SNAI3: variants seen among roughly 807,000 people sequenced by gnomAD.
The protein encoded by SNAI3 is zinc finger protein SNAI3.
A neutral mutation model predicts 16.4 loss-of-function variants in SNAI3; 21 were observed. That is an observed-to-expected ratio of 1.28 (90% CI 0.91 to 1.85). SNAI3 has a LOEUF of 1.85. Ranked by LOEUF, SNAI3 falls within the 40% of genes most tolerant of loss-of-function variation. The pLI is 0.00. For synonymous variants in SNAI3, 202 were observed against 166.6 expected, an observed-to-expected ratio of 1.21 and a Z score of -1.64; for missense variants, 457 against 372.8, an observed-to-expected ratio of 1.23 and a Z score of -1.86.
At position 88,681,819 on chromosome 16, in the gene SNAI3, T is replaced by C. The variant is rs1909183846; in HGVS notation, c.77-105A>G. 8.1e-7 allele frequency: 1 copy of C among 1,240,470 alleles called. No individual in the cohort carries two copies. Among genetic ancestry groups the C allele is most frequent in the Non-Finnish European group, 1.0e-6 (1 of 976,496 alleles). The allele number at this position is 1,240,470 out of a possible 1,614,324, so 76.8% of individuals were successfully genotyped here. On this transcript the variant is annotated intron_variant, in intron 1 of 2. Coordinates refer to ENST00000332281, the MANE Select transcript of SNAI3 (RefSeq NM_178310.4). The surrounding 1 kb of genome is among the most constrained non-coding windows in gnomAD (Gnocchi z 5.4). ...ACCCAGTCACAGCCCATCAGCAGCCTGGCGTGGGAGGTGTAGCCGGGAACC... is the reference window on the plus strand; with the variant it reads ...ACCCAGTCACAGCCCATCAGCAGCCCGGCGTGGGAGGTGTAGCCGGGAACC...
intron 2 of SNAI3, 153 bp from the exon 3 acceptor site, chr16:88,678,782 C>T (rs1038140718): frequency 4.1e-5 from 40 of 985,442 alleles, no homozygotes; most frequent in South Asian, 1.4e-4. Flanking sequence ...CGGGGTGGCA[C>T]GCCACATCAC....
intron 2 of SNAI3, among the ~76,000 whole-genome samples, chr16:88,679,483 C>T (rs72811439): frequency 0.29 from 44,760 of 151,964 alleles, 6,728 homozygotes; most frequent in Non-Finnish European, 0.34. Context: ...ACTAGCAGGC[C>T]GGGCGCAGTG....
rs1341007899 is a variant in SNAI3 at position 88,678,155 on chromosome 16, C to T, written c.*293G>A. ...GCTCTGACTCTTGGAAGGGTAGCCC[C>T]GGAGACCTGGCCGTGTCGAAATGGA... On this transcript the variant is annotated 3_prime_UTR_variant, in exon 3 of 3. Transcript: ENST00000332281. The T allele has an allele frequency of 1.7e-5, 6 of 353,670 alleles. No individual in the cohort carries two copies. Among genetic ancestry groups the T allele is most frequent in the Non-Finnish European group, 2.6e-5 (5 of 192,220 alleles). The allele number at this position is 353,670 out of a possible 1,614,324, so 21.9% of individuals were successfully genotyped here. A position where few individuals can be genotyped will look rare whatever the true frequency, so the allele number is the denominator to read the frequency against.
At chr16:88,685,159 C>T (rs562643778) in intron 1 of SNAI3, 21 of 152,400 alleles carry the variant, frequency 1.4e-4, no homozygotes, top group African/African-American at 5.0e-4. Flanking sequence ...GTCACATGCG[C>T]ATCCACATAC....
intron 2 of SNAI3, 24 bp from the exon 3 acceptor site, chr16:88,678,653 G>T (rs774157720): frequency 6.7e-7 from 1 of 1,502,108 alleles, no homozygotes; most frequent in South Asian, 1.1e-5. Context: ...GCGGCGGCCA[G>T]TGACACCATG....
Position 88,686,336 on chromosome 16 carries a change from T to A in SNAI3, c.71A>T (p.Gln24Leu), listed in dbSNP as rs1909359874. 6.2e-7 allele frequency: 1 copy of A among 1,610,844 alleles called. No homozygotes were observed. Residue 24 changes from glutamine to leucine, a missense_variant, in exon 1 of 3, where the codon CAG (glutamine) becomes CTG (leucine). Physicochemically the swap from Gln to Leu is moderately radical, Grantham distance 113. Transcript: ENST00000332281. ...GGGGATCGGGTAGTCAGTACCTCTCTGCGTCTCCAGCCGCCGGTAGTTGGG... is the reference window on the plus strand; with the variant it reads ...GGGGATCGGGTAGTCAGTACCTCTCAGCGTCTCCAGCCGCCGGTAGTTGGG... ...RVPNYRRLET[Q>L]REINGACSAC...
intron 1 of SNAI3, among the ~76,000 whole-genome samples, chr16:88,683,843 A>G (rs2142948273): frequency 6.6e-6 from 1 of 152,294 alleles, no homozygotes; most frequent in Non-Finnish European, 1.5e-5. Flanking sequence ...AGTGTGAGCC[A>G]CTGCGCCCGG....
chr16:88,682,538 C>A (rs1909210113), intron 1 of SNAI3, among the ~76,000 whole-genome samples: 1 of 152,216 alleles, frequency 6.6e-6, no homozygotes, highest in South Asian at 2.1e-4. Flanking sequence ...TCCCAACAGC[C>A]CTCAATCCCT....
At chr16:88,679,394 C>T (rs1001909920) in intron 2 of SNAI3, among the ~76,000 whole-genome samples, 10 of 152,190 alleles carry the variant, frequency 6.6e-5, no homozygotes, top group African/African-American at 9.7e-5. Context: ...CTGGCCTGCA[C>T]CCAGGTGTGA....
In SNAI3 at chr16:88,681,217, A is replaced by G. The variant is rs1377584057; in HGVS notation, c.574T>C (p.Tyr192His). ...VFTCKYCDKE[Y>H]TSLGALKMHI... ...ATCTTGAGGGCACCCAGGCTGGTGT[A>G]CTCCTTGTCGCAGTACTTGCAGGTG... is the stretch of plus-strand genomic sequence containing the variant. The change falls in exon 2 of 3, where the codon TAC becomes CAC. Residue 192 changes from tyrosine to histidine, a missense_variant. Tyr to His is a moderately conservative substitution (Grantham distance 83, BLOSUM62 2). Transcript: ENST00000332281. The surrounding 1 kb of genome is among the most constrained non-coding windows in gnomAD (Gnocchi z 5.4). 1 of 1,613,100 alleles carries G rather than the reference A, an allele frequency of 6.2e-7. No homozygotes were observed. The highest frequency in any genetic ancestry group is 1.3e-5 in the African/African-American group (1 of 74,676).
intron 2 of SNAI3, chr16:88,678,865 G>A (rs1421836541): frequency 1.0e-6 from 1 of 985,322 alleles, no homozygotes; most frequent in East Asian, 1.1e-4. Flanking sequence ...AGCCCTCCCG[G>A]GGCCCTTGGC....
Position 88,678,602 on chromosome 16 carries a change from C to T in SNAI3, c.725G>A (p.Cys242Tyr). Residue 242 changes from cysteine (C) to tyrosine (Y), a missense_variant, in exon 3 of 3, where the codon TGC (cysteine) becomes TAC (tyrosine). Coordinates refer to ENST00000332281, the MANE Select transcript of SNAI3 (RefSeq NM_178310.4). ...GGAGCGGTCGGCAAAGGCCCTGCTG[C>T]AGTGCGAGCAGGCATAGGGCTTCTC... The part of the protein sequence containing the change: ...TGEKPYACSH[C>Y]SRAFADRSNL... The T allele has an allele frequency of 9.1e-7, 1 of 1,098,594 alleles. No homozygotes were observed. The allele number at this position is 1,098,594 out of a possible 1,614,324, so 68.1% of individuals were successfully genotyped here.
rs537574764 is a variant in SNAI3, at chr16:88,682,559, A to G, written c.77-845T>C. Among the ~76,000 whole-genome samples the G allele has an allele frequency of 1.4e-4, 21 of 152,256 alleles. 1 individual carries two copies. Among genetic ancestry groups the G allele is most frequent in the African/African-American group, 4.3e-4 (18 of 41,548 alleles). On this transcript the variant is annotated intron_variant, in intron 1 of 2. Coordinates refer to ENST00000332281, the MANE Select transcript of SNAI3 (RefSeq NM_178310.4). ...CAGCCCTCAATCCCTTTCTTACTCT[A>G]TATGTGTTAAAATGGATCTCTGGCT... is the stretch of plus-strand genomic sequence containing the variant.
intron 2 of SNAI3, 76 bp from the exon 3 acceptor site, chr16:88,678,705 T>TG: frequency 6.6e-7 from 1 of 1,515,580 alleles, no homozygotes; most frequent in Non-Finnish European, 8.8e-7. Context: ...TGCCCATCAA[T>TG]GGATACTCCC....
Position 88,681,285 on chromosome 16 carries a change from C to T in SNAI3, c.506G>A (p.Arg169Lys), listed in dbSNP as rs1909156495. The T allele has an allele frequency of 6.2e-7, 1 of 1,613,318 alleles. No individual in the cohort carries two copies. Residue 169 changes from arginine to lysine, a missense_variant, in exon 2 of 3, where the codon AGG (arginine) becomes AAG (lysine). Coordinates refer to ENST00000332281, the MANE Select transcript of SNAI3 (RefSeq NM_178310.4). The surrounding 1 kb of genome is among the most constrained non-coding windows in gnomAD (Gnocchi z 5.4). ...CAGGTGGCAGTGCAGCTGCCGGTGCCTGGCCAGCCCGGCCAGCGTGTGGTA... is the reference window on the plus strand; with the variant it reads ...CAGGTGGCAGTGCAGCTGCCGGTGCTTGGCCAGCCCGGCCAGCGTGTGGTA... Reference protein sequence around the residue: ...KPYHTLAGLARHRQLHCHLQV... With the variant: ...KPYHTLAGLAKHRQLHCHLQV...
chr16:88,684,862 G>A (rs1384230583), intron 1 of SNAI3, among the ~76,000 whole-genome samples: 4 of 152,226 alleles, frequency 2.6e-5, no homozygotes, highest in African/African-American at 9.6e-5. Context: ...TTATTTAAAA[G>A]GAGAGATTGA....
At position 88,681,831 on chromosome 16, in the gene SNAI3, T is replaced by C. The variant is rs114414338; in HGVS notation, c.77-117A>G. The C allele has an allele frequency of 6.8e-4, 809 of 1,187,192 alleles. 5 individuals carry two copies. The African/African-American group carries it at 0.012, about 17-fold the overall frequency. The allele number at this position is 1,187,192 out of a possible 1,614,324, so 73.5% of individuals were successfully genotyped here. A position where few individuals can be genotyped will look rare whatever the true frequency, so the allele number is the denominator to read the frequency against. ...CCCATCAGCAGCCTGGCGTGGGAGG[T>C]GTAGCCGGGAACCTGCATGCAGACC... On this transcript the variant is annotated intron_variant, in intron 1 of 2. Transcript: ENST00000332281. This position sits in a 1 kb window ranked among gnomAD's most constrained non-coding sequence, Gnocchi z 5.4.
intron 1 of SNAI3, 23 bp downstream of exon 1, chr16:88,686,308 C>CTCGGGGA (rs748791184): frequency 6.2e-7 from 1 of 1,608,406 alleles, no homozygotes. Flanking sequence ...CCGGCAGGGG[C>CTCGGGGA]TCGGGGATCG....
In SNAI3 at chr16:88,681,467, G is replaced by A. The variant is rs1909166100; in HGVS notation, c.324C>T (p.Ser108=). 1 of 1,592,278 alleles carries A rather than the reference G, an allele frequency of 6.3e-7. No individual in the cohort carries two copies. The change falls in exon 2 of 3, where the codon AGC becomes AGT. Residue 108 remains serine, a synonymous_variant. Transcript: ENST00000332281. This position sits in a 1 kb window ranked among gnomAD's most constrained non-coding sequence, Gnocchi z 5.4. ...SRAAIVPLKD[S]LNHLNLPPLL... is the part of the protein sequence containing the mutation. ...GTGGGGGCAGGTTGAGGTGGTTCAGGCTGTCTTTGAGGGGTACAATGGCGG... is the reference window on the plus strand; with the variant it reads ...GTGGGGGCAGGTTGAGGTGGTTCAGACTGTCTTTGAGGGGTACAATGGCGG...
Sources: gnomAD v4.1 joint callset for allele counts (sites outside exome capture counted in the v4.1 genomes callset) on GRCh38, gnomAD v4.1.1 for gene constraint, Gnocchi (gnomAD v3.1) non-coding constraint, MANE v1.5 for transcripts, NCBI Gene and HGNC (gene_info 2026-07-23, HGNC 2026-07-21) for gene names.